NAALADL2: variants seen among roughly 807,000 people sequenced by gnomAD.
NAALADL2 encodes inactive N-acetylated-alpha-linked acidic dipeptidase-like protein 2.
In NAALADL2, 76 loss-of-function variants were observed where a neutral mutation model predicts 87.2. The ratio of observed to expected loss-of-function variants is 0.87; its 90% confidence interval spans 0.72 to 1.05. The LOEUF (loss-of-function observed/expected upper bound fraction) is 1.05, where lower values mean the gene tolerates loss of function less well. NAALADL2 is among the 50% of genes least tolerant of loss of function. NAALADL2 has a pLI of 0.00. For synonymous variants in NAALADL2, 354 were observed against 331.0 expected, an observed-to-expected ratio of 1.07 and a Z score of -0.75; for missense variants, 1,089 against 945.8, an observed-to-expected ratio of 1.15 and a Z score of -1.99.
chr3:174,821,866 A>G (rs1170519119), intron 3 of NAALADL2, among the ~76,000 whole-genome samples: 1 of 152,178 alleles, frequency 6.6e-6, no homozygotes, highest in Non-Finnish European at 1.5e-5. Context: ...TTTGGTCATT[A>G]CATGTTTAAC....
intron 2 of NAALADL2, among the ~76,000 whole-genome samples, chr3:175,133,608 G>A (rs1205011605): frequency 6.6e-6 from 1 of 152,182 alleles, no homozygotes; most frequent in Admixed American, 6.5e-5. Context: ...TGCAATCGCA[G>A]GCACTCGGCA....
At chr3:175,596,490 T>C (rs1722261735) in intron 10 of NAALADL2, among the ~76,000 whole-genome samples, 1 of 151,978 alleles carries the variant, frequency 6.6e-6, no homozygotes, top group Non-Finnish European at 1.5e-5. Context: ...CTTTGAATGT[T>C]GACATTCTCT....
Position 175,288,838 on chromosome 3 carries a change from G to T in NAALADL2, c.939+32308G>T, listed in dbSNP as rs1375326846. ...TTGCCAAACTATATCAGCTACTTAT[G>T]CTGTTCTCATCAAACATTTGAACTC... On this transcript the variant is annotated intron_variant, in intron 4 of 13. Transcript: ENST00000454872. Among the ~76,000 whole-genome samples the T allele has an allele frequency of 2.6e-5, 4 of 152,252 alleles. No homozygotes were observed. The East Asian group carries it at 5.8e-4, about 22-fold the overall frequency.
chr3:174,525,060 G>A (rs936288263), intron 1 of NAALADL2, among the ~76,000 whole-genome samples: 39 of 152,278 alleles, frequency 2.6e-4, no homozygotes, highest in Admixed American at 2.0e-3. Context: ...GTGTACAGTC[G>A]TCTGTACAGT....
At chr3:174,716,156 T>G (rs1260306613) in intron 2 of NAALADL2, among the ~76,000 whole-genome samples, 2 of 152,124 alleles carry the variant, frequency 1.3e-5, no homozygotes, top group Non-Finnish European at 2.9e-5. Context: ...TATCCTTAAT[T>G]ATATCATCCT....
intron 1 of NAALADL2, among the ~76,000 whole-genome samples, chr3:175,009,714 G>T (rs1317400544): frequency 6.6e-6 from 1 of 152,008 alleles, no homozygotes; most frequent in Non-Finnish European, 1.5e-5. Flanking sequence ...GACCCTCACT[G>T]GATAGTCACA....
rs1434647946 is a variant in NAALADL2, at chr3:174,981,316, A to C, written c.44-115474A>C. Among the ~76,000 whole-genome samples the C allele has an allele frequency of 2.0e-5, 3 of 152,332 alleles. No homozygotes were observed. The East Asian group carries it at 5.8e-4, about 29-fold the overall frequency. ...ATAAATACGGACATACTCATAATTA[A>C]GTATGTGAGTGTAATCTTTATAAAC... On this transcript the variant is annotated intron_variant, in intron 1 of 13. Coordinates refer to ENST00000454872, the MANE Select transcript of NAALADL2 (RefSeq NM_207015.3).
At chr3:174,610,350 A>G (rs1246021266) in intron 2 of NAALADL2, among the ~76,000 whole-genome samples, 1 of 151,516 alleles carries the variant, frequency 6.6e-6, no homozygotes, top group Non-Finnish European at 1.5e-5. Context: ...CTGCACAGCA[A>G]AAGAAACTAC....
intron 2 of NAALADL2, among the ~76,000 whole-genome samples, chr3:175,127,698 T>C (rs1727183176): frequency 6.6e-6 from 1 of 152,072 alleles, no homozygotes; most frequent in South Asian, 2.1e-4. Context: ...CACTATTTAC[T>C]GTTCATACTG....
chr3:174,671,097 C>A (rs561578789), intron 2 of NAALADL2, among the ~76,000 whole-genome samples: 3 of 152,180 alleles, frequency 2.0e-5, no homozygotes, highest in Non-Finnish European at 2.9e-5. Flanking sequence ...CAGATGCCAG[C>A]GTCATGCTTT....
intron 5 of NAALADL2, among the ~76,000 whole-genome samples, chr3:175,344,056 A>G (rs1762878785): frequency 6.6e-6 from 1 of 152,076 alleles, no homozygotes; most frequent in South Asian, 2.1e-4. Flanking sequence ...AATACCGACA[A>G]GCAATCTGTT....
chr3:174,919,953 G>C (rs913457310), intron 1 of NAALADL2, among the ~76,000 whole-genome samples: 1 of 152,110 alleles, frequency 6.6e-6, no homozygotes, highest in Non-Finnish European at 1.5e-5. Flanking sequence ...CATCGTCAAT[G>C]AGCAGTGATA....
chr3:174,865,066 A>G (rs1726980427), intron 1 of NAALADL2, among the ~76,000 whole-genome samples: 1 of 152,042 alleles, frequency 6.6e-6, no homozygotes, highest in Admixed American at 6.6e-5. Flanking sequence ...ATGTTTAACC[A>G]TCTGCATAGT....
chr3:175,520,282 A>AT lies in NAALADL2; in HGVS notation c.1653+48551dup, dbSNP rs35580351. Among the ~76,000 whole-genome samples, 29 of 78,156 alleles carry AT rather than the reference A, an allele frequency of 3.7e-4. 2 individuals are homozygous for AT. Among genetic ancestry groups the AT allele is most frequent in the African/African-American group, 8.3e-4 (17 of 20,506 alleles). 51.3% of individuals were successfully genotyped at this position (78,156 alleles called of 152,430 possible). Reference sequence around the variant, plus strand: ...ATTTGCATAAATTCTAAAGAATGCAATTTTTTTTTTTTTTTTTTTTTTTTT... The same window carrying AT: ...ATTTGCATAAATTCTAAAGAATGCAATTTTTTTTTTTTTTTTTTTTTTTTTT... On this transcript the variant is annotated intron_variant, in intron 9 of 13. Coordinates refer to ENST00000454872, the MANE Select transcript of NAALADL2 (RefSeq NM_207015.3).
intron 3 of NAALADL2, among the ~76,000 whole-genome samples, chr3:174,744,376 G>C (rs753414270): frequency 6.6e-6 from 1 of 151,898 alleles, no homozygotes; most frequent in Non-Finnish European, 1.5e-5. Context: ...GTGGTAAAGG[G>C]ATCAATTCAA....
chr3:174,755,849 A>G (rs944422737), intron 3 of NAALADL2, among the ~76,000 whole-genome samples: 36 of 152,322 alleles, frequency 2.4e-4, no homozygotes, highest in African/African-American at 8.4e-4. Flanking sequence ...AATGTCTATG[A>G]TTTCACTTGC....
At chr3:175,678,424 C>G (rs1247505041) in intron 11 of NAALADL2, among the ~76,000 whole-genome samples, 5 of 152,180 alleles carry the variant, frequency 3.3e-5, no homozygotes, top group Admixed American at 2.0e-4. Flanking sequence ...TACATGCACA[C>G]GTATGTTTAT....
intron 3 of NAALADL2, among the ~76,000 whole-genome samples, chr3:174,807,497 C>A (rs753391842): frequency 2.0e-5 from 3 of 151,962 alleles, no homozygotes; most frequent in Admixed American, 6.6e-5. Flanking sequence ...TTCTGTTTTG[C>A]TTTTTCCTTG....
intron 11 of NAALADL2, among the ~76,000 whole-genome samples, chr3:175,704,898 C>T (rs1307541775): frequency 6.6e-6 from 1 of 152,162 alleles, no homozygotes; most frequent in African/African-American, 2.4e-5. Flanking sequence ...CATGTGAAAG[C>T]ATCGTGCACA....
Sources: gnomAD v4.1 joint callset for allele counts (sites outside exome capture counted in the v4.1 genomes callset) on GRCh38, gnomAD v4.1.1 for gene constraint, MANE v1.5 for transcripts, NCBI Gene and HGNC (gene_info 2026-07-23, HGNC 2026-07-21) for gene names.